Variants in NUDT6 observed in about 807,000 individuals in gnomAD.
NUDT6 encodes FAD diphosphatase NUDT6.
In NUDT6, 24 loss-of-function variants were observed where a neutral mutation model predicts 36.8. The ratio of observed to expected loss-of-function variants is 0.65; its 90% CI spans 0.47 to 0.92. The LOEUF (loss-of-function observed/expected upper bound fraction) is 0.92. Among genes scored for constraint, NUDT6 ranks in the 40% least tolerant of loss-of-function variants. The probability of loss-of-function intolerance (pLI) is 0.00; values close to 1 mark genes in which losing one functional copy is unlikely to be tolerated. For missense variants in NUDT6, 388 were observed against 392.8 expected, an observed-to-expected ratio of 0.99 and a Z score of 0.10; for synonymous variants, 163 against 157.0, an observed-to-expected ratio of 1.04 and a Z score of -0.29.
upstream of NUDT6, chr4:122,922,679 A>G: frequency 1.0e-6 from 1 of 966,942 alleles, no homozygotes; most frequent in East Asian, 2.6e-5. Context: ...CTCAGAGTTG[A>G]GCTGGGGTTA....
chr4:122,907,169 CG>C (rs552197731), intron 3 of NUDT6, among the ~76,000 whole-genome samples: 91 of 152,260 alleles, frequency 6.0e-4, no homozygotes, highest in Non-Finnish European at 9.4e-4. Context: ...CTCACTCTGT[CG>C]CCCTGGCTGG....
intron 2 of NUDT6, among the ~76,000 whole-genome samples, chr4:122,915,286 A>G (rs1184890143): frequency 6.6e-6 from 1 of 152,068 alleles, no homozygotes; most frequent in African/African-American, 2.4e-5. Context: ...CCTGGGCAAC[A>G]TGGCGAAACC....
chr4:122,921,615 A>AC (rs1728006584), intron 1 of NUDT6: 6 of 132,648 alleles, frequency 4.5e-5, no homozygotes, highest in African/African-American at 1.7e-4. Context: ...AAAAAAAAAA[A>AC]AAACAAACTG....
intron 3 of NUDT6, among the ~76,000 whole-genome samples, chr4:122,899,411 T>C (rs1727463669): frequency 6.6e-6 from 1 of 152,162 alleles, no homozygotes; most frequent in Admixed American, 6.5e-5. Context: ...ATATTAGGTA[T>C]ATGTTTATGC....
At position 122,893,226 on chromosome 4, in the gene NUDT6, C is replaced by T; in HGVS notation, c.554-1G>A. The T allele has an allele frequency of 1.3e-6, 2 of 1,586,624 alleles. No homozygotes were observed. Among genetic ancestry groups the T allele is most frequent in the Non-Finnish European group, 1.7e-6 (2 of 1,166,662 alleles). On this transcript the variant is annotated splice_acceptor_variant, in intron 4 of 4. Coordinates refer to ENST00000304430, the MANE Select transcript of NUDT6 (RefSeq NM_007083.5). LOFTEE classifies it high-confidence loss of function. ...AAAACTTCTCGAACCGCTGTGTCTCCTACGTAAAAAAAGAGATGTACAAAT... is the reference window on the plus strand; with the variant it reads ...AAAACTTCTCGAACCGCTGTGTCTCTTACGTAAAAAAAGAGATGTACAAAT...
At chr4:122,912,361 G>T (rs11098677) in intron 3 of NUDT6, among the ~76,000 whole-genome samples, 96,530 of 152,024 alleles carry the variant, frequency 0.63, 34,621 homozygotes, top group East Asian at 0.95. Context: ...GTAATAGATA[G>T]TAACACTGAG....
At chr4:122,914,666 T>G (rs749395211) in intron 2 of NUDT6, among the ~76,000 whole-genome samples, 32 of 152,040 alleles carry the variant, frequency 2.1e-4, no homozygotes, top group Non-Finnish European at 2.6e-4. Context: ...TCTGTCTGGA[T>G]TCTAGGCAGG....
rs114498002 is a variant in NUDT6, at chr4:122,911,114, G to C, written c.498+1454C>G. On this transcript the variant is annotated intron_variant, in intron 3 of 4. Coordinates refer to ENST00000304430, the MANE Select transcript of NUDT6 (RefSeq NM_007083.5). ...CATATCATCTATCTGCTATATTGGA[G>C]AGAGTTATAATATCCACTCTGGGTT... Among the ~76,000 whole-genome samples the C allele has an allele frequency of 1.5e-3, 230 of 152,224 alleles. 1 individual carries two copies. The highest frequency in any genetic ancestry group is 5.4e-3 in the African/African-American group (224 of 41,550).
rs201825800 is a variant in NUDT6 at position 122,897,637 on chromosome 4, A to G, written c.540T>C (p.Pro180=). ...MWKFPGGLSE[P]EEDIGDTAVR... is the part of the protein sequence containing the mutation. Reference sequence around the variant, plus strand: ...AAAGATACACACCAATATCTTCTTCAGGCTCTGACAGGCCTCCTGGAAACT... The same window carrying G: ...AAAGATACACACCAATATCTTCTTCGGGCTCTGACAGGCCTCCTGGAAACT... The change falls in exon 4 of 5, where the codon CCT becomes CCC. Residue 180 remains proline, a synonymous_variant. Transcript: ENST00000304430. 2.5e-6 allele frequency: 4 copies of G among 1,606,826 alleles called. No individual in the cohort carries two copies. The highest frequency in any genetic ancestry group is 2.2e-5 in the East Asian group (1 of 44,748).
intron 3 of NUDT6, among the ~76,000 whole-genome samples, chr4:122,903,784 C>T (rs1476158941): frequency 6.6e-6 from 1 of 152,172 alleles, no homozygotes; most frequent in Admixed American, 6.5e-5. Context: ...CTAGCAGCAG[C>T]ATTTCCTTCC....
At chr4:122,904,389 A>C (rs1455521548) in intron 3 of NUDT6, among the ~76,000 whole-genome samples, 1 of 152,076 alleles carries the variant, frequency 6.6e-6, no homozygotes, top group African/African-American at 2.4e-5. Context: ...GTTGTCAATT[A>C]ATTTGTAGCA....
intron 3 of NUDT6, among the ~76,000 whole-genome samples, chr4:122,906,458 G>C (rs1727618099): frequency 6.6e-6 from 1 of 152,104 alleles, no homozygotes; most frequent in Non-Finnish European, 1.5e-5. Context: ...AATCTTAGTA[G>C]CTGCTATGTT....
intron 1 of NUDT6, chr4:122,917,947 C>A: frequency 2.1e-6 from 1 of 485,638 alleles, no homozygotes; most frequent in Non-Finnish European, 3.7e-6. Flanking sequence ...CCTTTATATC[C>A]ATACCACCAA....
chr4:122,918,526 T>G (rs1435294432), intron 1 of NUDT6: 2 of 152,252 alleles, frequency 1.3e-5, no homozygotes, highest in African/African-American at 4.8e-5. Flanking sequence ...TCAGATCACT[T>G]TCTTCATCCA....
Position 122,892,653 on chromosome 4 carries a change from C to T in NUDT6, c.*175G>A, listed in dbSNP as rs747377047. ...TTACCTAGAGCAATGATCTTTTTCACGCATTTGCTTTATTCGAAAAGAGGC... is the reference window on the plus strand; with the variant it reads ...TTACCTAGAGCAATGATCTTTTTCATGCATTTGCTTTATTCGAAAAGAGGC... On this transcript the variant is annotated 3_prime_UTR_variant, in exon 5 of 5. Coordinates refer to ENST00000304430, the MANE Select transcript of NUDT6 (RefSeq NM_007083.5). 58 of 1,400,522 alleles carry T rather than the reference C, an allele frequency of 4.1e-5. No individual in the cohort carries two copies. Among genetic ancestry groups the T allele is most frequent in the Non-Finnish European group, 5.0e-5 (54 of 1,069,584 alleles). 86.8% of individuals were successfully genotyped at this position (1,400,522 alleles called of 1,614,324 possible). A position where few individuals can be genotyped will look rare whatever the true frequency, so the allele number is the denominator to read the frequency against.
At chr4:122,916,240 A>G (rs924750574) in intron 2 of NUDT6, among the ~76,000 whole-genome samples, 2 of 152,172 alleles carry the variant, frequency 1.3e-5, no homozygotes, top group African/African-American at 4.8e-5. Flanking sequence ...TTAAGATTCC[A>G]GGTGATTTTG....
At chr4:122,908,174 C>A (rs1727662612) in intron 3 of NUDT6, among the ~76,000 whole-genome samples, 1 of 151,864 alleles carries the variant, frequency 6.6e-6, no homozygotes, top group Admixed American at 6.6e-5. Context: ...CGCATTATAC[C>A]CCTTCCTTTT....
chr4:122,911,588 T>C (rs1727733772), intron 3 of NUDT6, among the ~76,000 whole-genome samples: 1 of 152,198 alleles, frequency 6.6e-6, no homozygotes, highest in Non-Finnish European at 1.5e-5. Flanking sequence ...CTTGGAGCCA[T>C]AAGAATAGTT....
rs1189212297 is a variant in NUDT6, at chr4:122,897,694, AGAAAAT to A, written c.499-22_499-17del. 1 of 1,571,894 alleles carries A rather than the reference AGAAAAT, an allele frequency of 6.4e-7. No homozygotes were observed. The highest frequency in any genetic ancestry group is 8.8e-7 in the Non-Finnish European group (1 of 1,141,756). On this transcript the variant is annotated splice_polypyrimidine_tract_variant and intron_variant, in intron 3 of 4. Coordinates refer to ENST00000304430, the MANE Select transcript of NUDT6 (RefSeq NM_007083.5). ...TATTTTTCAACTGCAGTATAAAGTC[AGAAAAT>A]AAAGTTAACATAACTTTCACTAACA...
Sources: gnomAD v4.1 joint callset for allele counts (sites outside exome capture counted in the v4.1 genomes callset) on GRCh38, gnomAD v4.1.1 for gene constraint, MANE v1.5 for transcripts, NCBI Gene and HGNC (gene_info 2026-07-23, HGNC 2026-07-21) for gene names.